The following UBXN4 variants were observed in gnomAD, a reference collection of about 807,000 sequenced individuals.
UBXN4 encodes UBX domain-containing protein 4.
A neutral mutation model predicts 66.2 loss-of-function variants in UBXN4; 35 were observed. That is an observed-to-expected ratio of 0.53 (90% CI 0.40 to 0.70). UBXN4 has a LOEUF of 0.70. Ranked by LOEUF, UBXN4 falls within the 30% of genes least tolerant of loss-of-function variation. The pLI, the probability that UBXN4 is intolerant of heterozygous loss-of-function variation, is 0.00. For synonymous variants in UBXN4, 203 were observed against 204.5 expected (o/e 0.99, Z 0.06); for missense variants, 533 against 599.8 (o/e 0.89, Z 1.16).
chr2:135,776,874 G>A (rs563530994), intron 10 of UBXN4, among the ~76,000 whole-genome samples: 113 of 152,328 alleles, frequency 7.4e-4, no homozygotes, highest in African/African-American at 2.5e-3. Flanking sequence ...GATTACAGGC[G>A]TGAGCCACCC....
At chr2:135,782,029 C>T (rs2077453970) in intron 12 of UBXN4, among the ~76,000 whole-genome samples, 1 of 152,104 alleles carries the variant, frequency 6.6e-6, no homozygotes, top group Non-Finnish European at 1.5e-5. Flanking sequence ...GAACCGTGAT[C>T]GTGCCACTGC....
intron 1 of UBXN4, chr2:135,748,062 A>T: frequency 2.2e-6 from 1 of 452,902 alleles, no homozygotes; most frequent in Non-Finnish European, 3.9e-6. Context: ...TAAATAGTCC[A>T]GTGTAGTTTG....
chr2:135,749,159 T>G (rs955631367), intron 2 of UBXN4, among the ~76,000 whole-genome samples: 5 of 152,194 alleles, frequency 3.3e-5, no homozygotes, highest in Non-Finnish European at 5.9e-5. Context: ...CTTTAAGCTT[T>G]CCTACTCTAC....
chr2:135,744,423 G>A (rs2077194623), intron 1 of UBXN4, among the ~76,000 whole-genome samples: 1 of 150,662 alleles, frequency 6.6e-6, no homozygotes, highest in Admixed American at 6.6e-5. Context: ...AAGTATTGTG[G>A]CTGTGTAAAG....
chr2:135,748,400 T>A, intron 2 of UBXN4, 31 bp downstream of exon 2: 1 of 1,448,932 alleles, frequency 6.9e-7, no homozygotes, highest in South Asian at 1.4e-5. Context: ...TTTATTAATT[T>A]TAAAATTTAT....
At chr2:135,747,348 CAAAAAAAAAAAA>C (rs138276089) in intron 1 of UBXN4, among the ~76,000 whole-genome samples, 3 of 83,506 alleles carry the variant, frequency 3.6e-5, no homozygotes, top group East Asian at 7.2e-4. Flanking sequence ...AACTCCATCT[CAAAAAAAAAAAA>C]AAAAAAAAAA....
chr2:135,779,103 T>A, intron 11 of UBXN4, 24 bp downstream of exon 11: 23 of 1,551,524 alleles, frequency 1.5e-5, no homozygotes, highest in Non-Finnish European at 2.0e-5. Flanking sequence ...GATGCATTTT[T>A]TTCTCTTCTT....
chr2:135,773,037 C>CCAA (rs773967235), intron 9 of UBXN4, among the ~76,000 whole-genome samples: 56 of 80,016 alleles, frequency 7.0e-4, no homozygotes, highest in Non-Finnish European at 4.7e-4. Flanking sequence ...ACTCCGTCCC[C>CCAA]AAAAAAAAAA....
chr2:135,779,894 TAAA>T (rs1178244788), intron 11 of UBXN4, among the ~76,000 whole-genome samples: 3 of 138,756 alleles, frequency 2.2e-5, no homozygotes, highest in East Asian at 2.0e-4. Flanking sequence ...ATATATTATA[TAAA>T]ATATAATATA....
At chr2:135,744,096 C>T (rs2077193315) in intron 1 of UBXN4, among the ~76,000 whole-genome samples, 1 of 152,200 alleles carries the variant, frequency 6.6e-6, no homozygotes, top group African/African-American at 2.4e-5. Context: ...AGATACTGGA[C>T]TCATGAAACC....
At chr2:135,775,971 G>A (rs914116962) in intron 9 of UBXN4, among the ~76,000 whole-genome samples, 11 of 152,138 alleles carry the variant, frequency 7.2e-5, no homozygotes, top group Non-Finnish European at 1.0e-4. Context: ...GTTTCACCAC[G>A]TTGGCCCGGC....
In UBXN4 at chr2:135,784,156, AAT is replaced by A. The variant is rs979733754; in HGVS notation, c.*1272_*1273del. On this transcript the variant is annotated 3_prime_UTR_variant, in exon 13 of 13. Transcript: ENST00000272638. ...TGAAAAACATTTATCAGAAACTTAA[AAT>A]ATTTCATACCGTTTGATCCAGTAGC... The A allele has an allele frequency of 6.6e-6, 1 of 152,344 alleles. No individual in the cohort carries two copies. Among genetic ancestry groups the A allele is most frequent in the African/African-American group, 2.4e-5 (1 of 41,590 alleles). 9.4% of individuals were successfully genotyped at this position (152,344 alleles called of 1,614,324 possible).
chr2:135,774,715 C>T (rs1009062501), intron 9 of UBXN4, among the ~76,000 whole-genome samples: 4 of 152,014 alleles, frequency 2.6e-5, no homozygotes, highest in Non-Finnish European at 4.4e-5. Flanking sequence ...CATGGTGGTG[C>T]ACACCAGTAA....
intron 5 of UBXN4, among the ~76,000 whole-genome samples, chr2:135,756,197 T>A (rs939859544): frequency 4.6e-5 from 7 of 152,042 alleles, no homozygotes; most frequent in Admixed American, 6.6e-5. Flanking sequence ...AAAGAGAAAT[T>A]TTTGGGATTG....
intron 1 of UBXN4, 91 bp from the exon 2 acceptor site, chr2:135,748,176 T>C: frequency 1.0e-6 from 1 of 955,854 alleles, no homozygotes; most frequent in South Asian, 2.2e-5. Context: ...GGTGGGATTA[T>C]ATTTTATTTG....
At chr2:135,742,268 C>T (rs1253334853) in intron 1 of UBXN4, among the ~76,000 whole-genome samples, 1 of 152,204 alleles carries the variant, frequency 6.6e-6, no homozygotes, top group Non-Finnish European at 1.5e-5. Context: ...TCTGCGAGGC[C>T]CGGGCTGCCG....
chr2:135,758,698 G>A (rs2077293123), intron 5 of UBXN4, among the ~76,000 whole-genome samples: 2 of 151,860 alleles, frequency 1.3e-5, no homozygotes, highest in South Asian at 2.1e-4. Flanking sequence ...ATTTCAATAT[G>A]TATCTCTAAA....
intron 9 of UBXN4, 59 bp from the exon 10 acceptor site, chr2:135,776,187 AATG>A: frequency 7.4e-7 from 1 of 1,343,692 alleles, no homozygotes; most frequent in Non-Finnish European, 1.0e-6. Flanking sequence ...TCTCTAACTT[AATG>A]ATATTGTTAG....
chr2:135,778,915 G>C (rs751030161), intron 10 of UBXN4, 33 bp from the exon 11 acceptor site: 1 of 1,561,806 alleles, frequency 6.4e-7, no homozygotes, highest in Admixed American at 1.9e-5. Context: ...ACTTTTAAAG[G>C]CACTCTTTAA....
Sources: gnomAD v4.1 joint callset for allele counts (sites outside exome capture counted in the v4.1 genomes callset) on GRCh38, gnomAD v4.1.1 for gene constraint, MANE v1.5 for transcripts, NCBI Gene and HGNC (gene_info 2026-07-23, HGNC 2026-07-21) for gene names.